The following TNR variants were observed in gnomAD, a reference collection of about 807,000 sequenced individuals.
The protein encoded by TNR is tenascin-R.
TNR carries 45 observed loss-of-function variants against 150.4 expected under a neutral mutation model. The observed-to-expected ratio is 0.30, with a 90% CI of 0.24 to 0.38. The LOEUF (loss-of-function observed/expected upper bound fraction) is 0.38. Ranked by LOEUF, TNR falls within the 10% of genes least tolerant of loss-of-function variation. TNR has a pLI of 1.00. For synonymous variants in TNR, 687 were observed against 678.4 expected, an observed-to-expected ratio of 1.01 and a Z score of -0.20; for missense variants, 1,544 against 1,759.1, an observed-to-expected ratio of 0.88 and a Z score of 2.19.
intron 4 of TNR, among the ~76,000 whole-genome samples, chr1:175,400,899 C>T (rs982953298): frequency 6.6e-6 from 1 of 152,170 alleles, no homozygotes; most frequent in Non-Finnish European, 1.5e-5. Context: ...TGGAAGAGAC[C>T]TGTAGCACTT....
intron 1 of TNR, among the ~76,000 whole-genome samples, chr1:175,541,649 A>C (rs955135145): frequency 1.3e-5 from 2 of 152,216 alleles, no homozygotes; most frequent in Admixed American, 1.3e-4. Flanking sequence ...AGACAGTTAA[A>C]GCATATTAAC....
chr1:175,367,110 A>G (rs1179321789), intron 10 of TNR, 98 bp downstream of exon 10: 4 of 1,013,936 alleles, frequency 3.9e-6, no homozygotes, highest in Non-Finnish European at 6.1e-6. Context: ...TCACTGGAAG[A>G]CATTGCTTTC....
chr1:175,663,135 C>A (rs1665426873), intron 1 of TNR, among the ~76,000 whole-genome samples: 1 of 152,146 alleles, frequency 6.6e-6, no homozygotes, highest in Non-Finnish European at 1.5e-5. Flanking sequence ...TGTCAAGGAA[C>A]CATTAGAATC....
At chr1:175,558,740 A>G (rs1434919018) in intron 1 of TNR, among the ~76,000 whole-genome samples, 2 of 152,160 alleles carry the variant, frequency 1.3e-5, no homozygotes, top group African/African-American at 4.8e-5. Context: ...CTTCTTTATT[A>G]TAATTTTTTT....
At chr1:175,329,263 G>A (rs1471813611) in intron 21 of TNR, among the ~76,000 whole-genome samples, 1 of 152,202 alleles carries the variant, frequency 6.6e-6, no homozygotes, top group East Asian at 1.9e-4. Context: ...ATAATGCCAA[G>A]TATCAAACAT....
intron 4 of TNR, 87 bp from the exon 5 acceptor site, chr1:175,396,894 C>G: frequency 1.3e-6 from 2 of 1,516,188 alleles, no homozygotes; most frequent in Admixed American, 1.8e-5. Flanking sequence ...CATCTCACCC[C>G]CCATGCCATG....
At chr1:175,660,330 C>A in intron 1 of TNR, among the ~76,000 whole-genome samples, 1 of 152,238 alleles carries the variant, frequency 6.6e-6, no homozygotes, top group East Asian at 1.9e-4. Flanking sequence ...CCAGCCCGCA[C>A]ATGGGCTGGG....
Position 175,425,265 on chromosome 1 carries a change from C to G in TNR, c.-63-18488G>C, listed in dbSNP as rs115367627. Reference sequence around the variant, plus strand: ...TAGTCTGGAATCTAGTCTGAGTGTACTAGCTGTGGCAGTGTGCAAGCAATG... The same window carrying G: ...TAGTCTGGAATCTAGTCTGAGTGTAGTAGCTGTGGCAGTGTGCAAGCAATG... On this transcript the variant is annotated intron_variant, in intron 2 of 22. Coordinates refer to ENST00000367674, the MANE Select transcript of TNR (RefSeq NM_003285.3). Among the ~76,000 whole-genome samples the G allele has an allele frequency of 9.9e-3, 1,503 of 152,266 alleles. 19 individuals carry two copies. The highest frequency in any genetic ancestry group is 0.021 in the South Asian group (101 of 4,822).
At chr1:175,576,637 C>T (rs10913016) in intron 1 of TNR, among the ~76,000 whole-genome samples, 14,677 of 151,836 alleles carry the variant, frequency 0.097, 778 homozygotes, top group Middle Eastern at 0.14. Flanking sequence ...TCCCACCACA[C>T]CATCCCAAGC....
rs76810258 is a variant in TNR, at chr1:175,467,730, A to C, written c.-64+60539T>G. Among the ~76,000 whole-genome samples the C allele has an allele frequency of 6.8e-4, 104 of 152,308 alleles. 1 individual carries two copies. The highest frequency in any genetic ancestry group is 2.5e-3 in the African/African-American group (102 of 41,588). On this transcript the variant is annotated intron_variant, in intron 2 of 22. Coordinates refer to ENST00000367674, the MANE Select transcript of TNR (RefSeq NM_003285.3). ...GGGCATGAGGTCAGGGAAGAGGAAA[A>C]GGAAATACGTGGGAATTTTCTTCCC...
intron 2 of TNR, among the ~76,000 whole-genome samples, chr1:175,523,440 T>C (rs910704864): frequency 6.6e-6 from 1 of 152,188 alleles, no homozygotes; most frequent in African/African-American, 2.4e-5. Context: ...ATGAGAAAGG[T>C]ACTGTAATTT....
intron 1 of TNR, among the ~76,000 whole-genome samples, chr1:175,542,996 C>A (rs904794482): frequency 7.9e-5 from 12 of 152,172 alleles, no homozygotes; most frequent in African/African-American, 2.9e-4. Flanking sequence ...CACAACCATG[C>A]AGTCACAGTG....
At chr1:175,622,635 T>TA (rs1664017578) in intron 1 of TNR, among the ~76,000 whole-genome samples, 1 of 152,172 alleles carries the variant, frequency 6.6e-6, no homozygotes, top group Admixed American at 6.5e-5. Context: ...CAGAACTCTC[T>TA]AGACTGCTTT....
chr1:175,654,525 T>C (rs1468582677), intron 1 of TNR, among the ~76,000 whole-genome samples: 2 of 152,094 alleles, frequency 1.3e-5, no homozygotes, highest in Non-Finnish European at 2.9e-5. Context: ...GCAATGAGTA[T>C]CATAACACAT....
intron 20 of TNR, chr1:175,335,298 TAACATTCTCCAA>T: frequency 6.2e-6 from 1 of 162,474 alleles, no homozygotes. Flanking sequence ...GGTCAGGTAA[TAACATTCTCCAA>T]GGAACTAAGC....
chr1:175,639,459 C>T (rs1034801692), intron 1 of TNR, among the ~76,000 whole-genome samples: 1 of 152,176 alleles, frequency 6.6e-6, no homozygotes, highest in Admixed American at 6.5e-5. Context: ...CTGAGGTGCC[C>T]TTCTATGCCC....
chr1:175,344,835 C>T (rs1234737731), intron 18 of TNR, among the ~76,000 whole-genome samples: 1 of 152,114 alleles, frequency 6.6e-6, no homozygotes, highest in Non-Finnish European at 1.5e-5. Flanking sequence ...CAAGAGGGAA[C>T]ATTGCGCAAC....
chr1:175,438,658 C>G (rs1361633104), intron 2 of TNR, among the ~76,000 whole-genome samples: 1 of 152,178 alleles, frequency 6.6e-6, no homozygotes, highest in African/African-American at 2.4e-5. Flanking sequence ...TCTCCTTAAG[C>G]TGATAAGCAA....
chr1:175,684,568 A>G (rs1666132396), intron 1 of TNR, among the ~76,000 whole-genome samples: 1 of 152,238 alleles, frequency 6.6e-6, no homozygotes, highest in African/African-American at 2.4e-5. Context: ...GACAAAGGCT[A>G]GGACTGTAAA....
Sources: gnomAD v4.1 joint callset for allele counts (sites outside exome capture counted in the v4.1 genomes callset) on GRCh38, gnomAD v4.1.1 for gene constraint, MANE v1.5 for transcripts, NCBI Gene and HGNC (gene_info 2026-07-23, HGNC 2026-07-21) for gene names.